SYNPO2: variants seen among roughly 807,000 people sequenced by gnomAD.
SYNPO2 encodes synaptopodin-2.
Under a neutral mutation model 85.0 loss-of-function variants are expected in SYNPO2, and 56 were observed. The observed-to-expected ratio is 0.66, with a 90% CI of 0.53 to 0.82. The LOEUF is 0.82. Ranked by LOEUF, SYNPO2 falls within the 40% of genes least tolerant of loss-of-function variation. SYNPO2 has a pLI of 0.00. For synonymous variants in SYNPO2, 602 were observed against 591.1 expected, an observed-to-expected ratio of 1.02 and a Z score of -0.27; for missense variants, 1,575 against 1,534.2, an observed-to-expected ratio of 1.03 and a Z score of -0.44.
chr4:119,003,478 T>C (rs955318430), intron 1 of SYNPO2, among the ~76,000 whole-genome samples: 11 of 152,202 alleles, frequency 7.2e-5, no homozygotes, highest in Admixed American at 6.6e-5. Context: ...TTCAGGAGAC[T>C]CTAGAAAATT....
At chr4:118,924,961 G>A (rs28517711) in intron 1 of SYNPO2, among the ~76,000 whole-genome samples, 2,241 of 152,228 alleles carry the variant, frequency 0.015, 52 homozygotes, top group African/African-American at 0.05. Context: ...CCCTAGGCAC[G>A]TAAAGTCTAT....
At chr4:118,956,758 A>G (rs1386531798) in intron 1 of SYNPO2, among the ~76,000 whole-genome samples, 2 of 152,132 alleles carry the variant, frequency 1.3e-5, no homozygotes, top group Admixed American at 6.5e-5. Flanking sequence ...AAAAGGTGAC[A>G]TGGTGGCTGG....
In SYNPO2 at chr4:118,912,781, G is replaced by A. The variant is rs913584930; in HGVS notation, c.105+23640G>A. On this transcript the variant is annotated intron_variant, in intron 1 of 4. Transcript: ENST00000307142. Reference sequence around the variant, plus strand: ...GTTCAGAAAAAAATAGGACTTTAGGGTTTTAGTTGGGCAAGCTCAGTATAA... The same window carrying A: ...GTTCAGAAAAAAATAGGACTTTAGGATTTTAGTTGGGCAAGCTCAGTATAA... Among the ~76,000 whole-genome samples, 21 of 152,214 alleles carry A rather than the reference G, an allele frequency of 1.4e-4. No individual in the cohort carries two copies. In the South Asian group the frequency reaches 1.9e-3, roughly 14 times the overall value.
In SYNPO2 at chr4:118,893,190, A is replaced by G. The variant is rs558844623; in HGVS notation, c.105+4049A>G. Among the ~76,000 whole-genome samples the G allele has an allele frequency of 3.9e-5, 6 of 152,326 alleles. No homozygotes were observed. The South Asian group carries it at 1.2e-3, about 32-fold the overall frequency. ...GAATTTTAAACACAGACATGCTTATAGAAGTTAGTGTGCTCTAGATAAATC... is the reference window on the plus strand; with the variant it reads ...GAATTTTAAACACAGACATGCTTATGGAAGTTAGTGTGCTCTAGATAAATC... On this transcript the variant is annotated intron_variant, in intron 1 of 4. Transcript: ENST00000307142.
intron 1 of SYNPO2, among the ~76,000 whole-genome samples, chr4:118,988,668 G>A (rs1232171650): frequency 8.5e-5 from 13 of 152,124 alleles, no homozygotes; most frequent in Admixed American, 8.5e-4. Flanking sequence ...TTCATTTTGG[G>A]AGGAATTCAA....
chr4:118,968,346 T>A (rs1349826124), intron 1 of SYNPO2, among the ~76,000 whole-genome samples: 1 of 152,200 alleles, frequency 6.6e-6, no homozygotes, highest in African/African-American at 2.4e-5. Context: ...TGTTTGAATG[T>A]AACTGTTACA....
Position 119,031,283 on chromosome 4 carries a change from CA to C in SYNPO2, c.2509del (p.Ser837ValfsTer32). ...PFKGPQAAVA[S>X]QNYTPKPTVS... ...TCAAAGGACCACAAGCAGCAGTAGCCAGTCAGAATTACACACCCAAACCAAC... is the reference window on the plus strand; with the variant it reads ...TCAAAGGACCACAAGCAGCAGTAGCCGTCAGAATTACACACCCAAACCAAC... On this transcript the variant is annotated frameshift_variant, in exon 4 of 5. Transcript: ENST00000307142. LOFTEE classifies it high-confidence loss of function. The C allele has an allele frequency of 6.2e-7, 1 of 1,614,168 alleles. No homozygotes were observed. Among genetic ancestry groups the C allele is most frequent in the Non-Finnish European group, 8.5e-7 (1 of 1,180,022 alleles).
intron 1 of SYNPO2, among the ~76,000 whole-genome samples, chr4:119,009,448 G>A (rs1737207511): frequency 6.6e-6 from 1 of 152,108 alleles, no homozygotes; most frequent in Non-Finnish European, 1.5e-5. Flanking sequence ...ATTATTTGAA[G>A]CTCAATAGAG....
intron 1 of SYNPO2, among the ~76,000 whole-genome samples, chr4:118,921,803 ATACT>A (rs1733549422): frequency 6.6e-6 from 1 of 151,552 alleles, no homozygotes; most frequent in South Asian, 2.1e-4. Flanking sequence ...ACACACACAC[ATACT>A]CTTTTTTGAC....
At chr4:118,937,907 A>G (rs1253969295) in intron 1 of SYNPO2, among the ~76,000 whole-genome samples, 1 of 152,160 alleles carries the variant, frequency 6.6e-6, no homozygotes, top group African/African-American at 2.4e-5. Context: ...CATATAACCT[A>G]TATGTATCCT....
At chr4:118,911,661 A>G (rs1338065910) in intron 1 of SYNPO2, among the ~76,000 whole-genome samples, 1 of 152,232 alleles carries the variant, frequency 6.6e-6, no homozygotes, top group Non-Finnish European at 1.5e-5. Context: ...AAAACTATGC[A>G]TGAAAGATCA....
chr4:118,876,709 CTTTCTT>C (rs1553934682), intron 1 of SYNPO2, among the ~76,000 whole-genome samples: 4 of 128,678 alleles, frequency 3.1e-5, no homozygotes, highest in Non-Finnish European at 6.6e-5. Context: ...TTCTTTCTTT[CTTTCTT>C]TCTTTCTTTC....
At chr4:119,052,537 T>C (rs1033354635) in intron 4 of SYNPO2, among the ~76,000 whole-genome samples, 2 of 152,180 alleles carry the variant, frequency 1.3e-5, no homozygotes, top group African/African-American at 4.8e-5. Context: ...TTTCTTCTCC[T>C]CTTTTATTCT....
At chr4:118,921,242 T>C (rs975967932) in intron 1 of SYNPO2, among the ~76,000 whole-genome samples, 3 of 152,110 alleles carry the variant, frequency 2.0e-5, no homozygotes, top group African/African-American at 7.2e-5. Context: ...TAAATGTTGG[T>C]ATTCTGTAGG....
At chr4:118,915,552 A>C (rs989214821) in intron 1 of SYNPO2, among the ~76,000 whole-genome samples, 1 of 152,108 alleles carries the variant, frequency 6.6e-6, no homozygotes, top group African/African-American at 2.4e-5. Context: ...GTAATATTTC[A>C]TTGTGTGAGT....
At chr4:118,918,164 T>TTTTTTTAAACTTTAAAAAATCCA (rs1188874073) in intron 1 of SYNPO2, among the ~76,000 whole-genome samples, 3 of 152,166 alleles carry the variant, frequency 2.0e-5, no homozygotes, top group Admixed American at 6.5e-5. Flanking sequence ...CTGAAAGTTC[T>TTTTTTTAAACTTTAAAAAATCCA]TTTTTTAAAC....
Position 118,871,771 on chromosome 4 carries a change from T to A in SYNPO2, c.12+20831T>A, listed in dbSNP as rs927995317. 2.6e-5 allele frequency among the ~76,000 whole-genome samples: 4 copies of A among 152,146 alleles called. No homozygotes were observed. In the South Asian group the frequency reaches 6.2e-4, roughly 24 times the overall value. ...TTTTTAGTAGAGGCGGGGTTTCACA[T>A]TGTTAGCCAGGATGATCTCGATCTC... is the stretch of plus-strand genomic sequence containing the variant. On this transcript the variant is annotated intron_variant, in intron 1 of 4. Transcript: ENST00000610556.
At chr4:118,986,428 T>C (rs10005874) in intron 1 of SYNPO2, among the ~76,000 whole-genome samples, 28 of 152,346 alleles carry the variant, frequency 1.8e-4, no homozygotes, top group African/African-American at 6.7e-4. Context: ...TGAATTTCTA[T>C]GCCAAGAATG....
chr4:119,047,775 G>C (rs1738915992), intron 4 of SYNPO2, among the ~76,000 whole-genome samples: 1 of 152,128 alleles, frequency 6.6e-6, no homozygotes, highest in Non-Finnish European at 1.5e-5. Context: ...GTGTTGAACT[G>C]TTTCTACTGT....
Sources: gnomAD v4.1 joint callset for allele counts (sites outside exome capture counted in the v4.1 genomes callset) on GRCh38, gnomAD v4.1.1 for gene constraint, MANE v1.5 for transcripts, NCBI Gene and HGNC (gene_info 2026-07-23, HGNC 2026-07-21) for gene names.